The following SEMA5A variants were observed in gnomAD, a reference collection of about 807,000 sequenced individuals.
SEMA5A encodes semaphorin-5A.
SEMA5A carries 55 observed loss-of-function variants against 135.5 expected under a neutral mutation model. The ratio of observed to expected loss-of-function variants is 0.41; its 90% CI spans 0.33 to 0.51. SEMA5A has a LOEUF of 0.51. Ranked by LOEUF, SEMA5A falls within the 20% of genes least tolerant of loss-of-function variation. The pLI, the probability that SEMA5A is intolerant of heterozygous loss-of-function variation, is 0.37. For missense variants in SEMA5A, 1,290 were observed against 1,419.9 expected (o/e 0.91, Z 1.47); for synonymous variants, 580 against 546.5 (o/e 1.06, Z -0.85).
intron 13 of SEMA5A, among the ~76,000 whole-genome samples, chr5:9,126,424 A>G (rs1446024960): frequency 2.0e-5 from 3 of 152,018 alleles, no homozygotes; most frequent in Non-Finnish European, 4.4e-5. Context: ...GGGGAGGGAG[A>G]CTGTTTGAGA....
chr5:9,516,347 C>G (rs1736516114), intron 1 of SEMA5A, among the ~76,000 whole-genome samples: 1 of 152,132 alleles, frequency 6.6e-6, no homozygotes, highest in Non-Finnish European at 1.5e-5. Flanking sequence ...ACATGGAGAA[C>G]AGGGAACGTA....
intron 1 of SEMA5A, among the ~76,000 whole-genome samples, chr5:9,494,342 G>T (rs1011885937): frequency 6.6e-6 from 1 of 152,152 alleles, no homozygotes; most frequent in Non-Finnish European, 1.5e-5. Flanking sequence ...AATTGAGTAG[G>T]TATATGGTGA....
intron 13 of SEMA5A, among the ~76,000 whole-genome samples, chr5:9,130,937 G>A (rs1741376787): frequency 6.6e-6 from 1 of 152,112 alleles, no homozygotes; most frequent in South Asian, 2.1e-4. Context: ...TATAGTCTAT[G>A]GTACTGCCAT....
chr5:9,035,700 C>T lies in SEMA5A; in HGVS notation c.*7197G>A, dbSNP rs1463941506. On this transcript the variant is annotated 3_prime_UTR_variant, in exon 23 of 23. Coordinates refer to ENST00000382496, the MANE Select transcript of SEMA5A (RefSeq NM_003966.3). Reference sequence around the variant, plus strand: ...GTAACAAGAAGGTTTTGAAGAATATCAATGCTTCAAATGTAAGGATTGAAA... The same window carrying T: ...GTAACAAGAAGGTTTTGAAGAATATTAATGCTTCAAATGTAAGGATTGAAA... The T allele has an allele frequency of 6.6e-6, 1 of 152,052 alleles. No individual in the cohort carries two copies. Among genetic ancestry groups the T allele is most frequent in the South Asian group, 2.1e-4 (1 of 4,820 alleles). 9.4% of individuals were successfully genotyped at this position (152,052 alleles called of 1,614,324 possible).
Position 9,443,516 on chromosome 5 carries a change from A to G in SEMA5A, c.-174-5664T>C, listed in dbSNP as rs1758316547. Reference sequence around the variant, plus strand: ...TTTCCTTCAACTTTTGTTAAAATAAATTTTATGGAAAACTGAGGTTTACAA... The same window carrying G: ...TTTCCTTCAACTTTTGTTAAAATAAGTTTTATGGAAAACTGAGGTTTACAA... On this transcript the variant is annotated intron_variant, in intron 1 of 22. Transcript: ENST00000382496. Among the ~76,000 whole-genome samples, 5 of 152,352 alleles carry G rather than the reference A, an allele frequency of 3.3e-5. No homozygotes were observed. The South Asian group carries it at 6.2e-4, about 19-fold the overall frequency.
chr5:9,425,492 C>T (rs1216101858), intron 2 of SEMA5A, among the ~76,000 whole-genome samples: 1 of 152,182 alleles, frequency 6.6e-6, no homozygotes, highest in Non-Finnish European at 1.5e-5. Flanking sequence ...AGTAGAAGCA[C>T]GATTTCCAAT....
At chr5:9,230,171 T>TC (rs1229849071) in intron 6 of SEMA5A, among the ~76,000 whole-genome samples, 3 of 143,894 alleles carry the variant, frequency 2.1e-5, no homozygotes, top group Admixed American at 2.0e-4. Context: ...TTTTTTTTTT[T>TC]TTTTTTTTTG....
chr5:9,265,332 T>C, intron 5 of SEMA5A: 1 of 429,866 alleles, frequency 2.3e-6, no homozygotes, highest in Non-Finnish European at 4.7e-6. Context: ...ACAGGCCCAG[T>C]TCCTGCCTAT....
intron 12 of SEMA5A, among the ~76,000 whole-genome samples, chr5:9,151,987 C>A (rs1742657380): frequency 6.6e-6 from 1 of 152,208 alleles, no homozygotes; most frequent in Admixed American, 6.5e-5. Flanking sequence ...CACAAGTGGG[C>A]TGGCAGTTCA....
intron 21 of SEMA5A, among the ~76,000 whole-genome samples, chr5:9,045,358 A>C (rs1736192163): frequency 6.6e-6 from 1 of 152,230 alleles, no homozygotes; most frequent in Admixed American, 6.5e-5. Context: ...CTCGCCTGCA[A>C]GCCAGACTGC....
chr5:9,279,825 G>A (rs760776494), intron 5 of SEMA5A, among the ~76,000 whole-genome samples: 1 of 152,038 alleles, frequency 6.6e-6, no homozygotes, highest in African/African-American at 2.4e-5. Flanking sequence ...AGTTTCCTGA[G>A]GCCTCCAAGC....
At chr5:9,176,464 G>A (rs746556954) in intron 11 of SEMA5A, among the ~76,000 whole-genome samples, 14 of 152,174 alleles carry the variant, frequency 9.2e-5, no homozygotes, top group Admixed American at 2.0e-4. Context: ...AACCCTGAAC[G>A]GAGGACCCAG....
rs1466925682 is a variant in SEMA5A, at chr5:9,248,932, C to T, written c.271-11042G>A. Reference sequence around the variant, plus strand: ...AAAAATTTCTGTTGCTCTAACCCACCAAGTTCATGATAATTTGTCACAGCA... The same window carrying T: ...AAAAATTTCTGTTGCTCTAACCCACTAAGTTCATGATAATTTGTCACAGCA... On this transcript the variant is annotated intron_variant, in intron 5 of 22. Coordinates refer to ENST00000382496, the MANE Select transcript of SEMA5A (RefSeq NM_003966.3). Among the ~76,000 whole-genome samples the T allele has an allele frequency of 3.3e-5, 5 of 152,152 alleles. No homozygotes were observed. The East Asian group carries it at 9.6e-4, about 29-fold the overall frequency.
intron 2 of SEMA5A, among the ~76,000 whole-genome samples, chr5:9,435,711 A>T (rs1758004149): frequency 6.6e-6 from 1 of 152,176 alleles, no homozygotes; most frequent in African/African-American, 2.4e-5. Context: ...CTGTCTTTGT[A>T]ATAAAGTTTT....
At chr5:9,151,701 G>C (rs563266832) in intron 12 of SEMA5A, among the ~76,000 whole-genome samples, 2 of 152,026 alleles carry the variant, frequency 1.3e-5, no homozygotes, top group Non-Finnish European at 1.5e-5. Context: ...TTCTTTTCTC[G>C]AATGAAATAC....
At chr5:9,459,962 G>T (rs1453036260) in intron 1 of SEMA5A, among the ~76,000 whole-genome samples, 1 of 152,080 alleles carries the variant, frequency 6.6e-6, no homozygotes, top group Admixed American at 6.5e-5. Flanking sequence ...ATTCTGCAGT[G>T]GTTCTAAAGA....
At position 9,042,534 on chromosome 5, in the gene SEMA5A, C is replaced by A; in HGVS notation, c.*363G>T. On this transcript the variant is annotated 3_prime_UTR_variant, in exon 23 of 23. Coordinates refer to ENST00000382496, the MANE Select transcript of SEMA5A (RefSeq NM_003966.3). ...AGAAAGTGCCTATTTTCTTGAATTA[C>A]AACATCATGAAGATTTACACTCCAA... The A allele has an allele frequency of 3.3e-5, 8 of 239,140 alleles. No individual in the cohort carries two copies. Among genetic ancestry groups the A allele is most frequent in the South Asian group, 1.2e-4 (2 of 17,086 alleles). 14.8% of individuals were successfully genotyped at this position (239,140 alleles called of 1,614,324 possible).
chr5:9,120,397 C>T (rs965442174), intron 14 of SEMA5A, among the ~76,000 whole-genome samples: 14 of 151,942 alleles, frequency 9.2e-5, no homozygotes, highest in Middle Eastern at 6.9e-3. Context: ...TGAGAAAATT[C>T]TTAGAATATT....
At chr5:9,087,045 T>A (rs1462165444) in intron 16 of SEMA5A, among the ~76,000 whole-genome samples, 1 of 152,198 alleles carries the variant, frequency 6.6e-6, no homozygotes, top group East Asian at 1.9e-4. Context: ...TGTGTGACAA[T>A]CTGAAAGATA....
Sources: allele counts gnomAD v4.1 joint callset (sites outside exome capture counted in the v4.1 genomes callset), GRCh38; gene constraint gnomAD v4.1.1; transcripts MANE v1.5; gene names NCBI Gene and HGNC (gene_info 2026-07-23, HGNC 2026-07-21).